The following ZNF644 variants were observed in gnomAD, a reference collection of about 807,000 sequenced individuals.
ZNF644 encodes zinc finger protein 644.
ZNF644 carries 20 observed loss-of-function variants against 108.0 expected under a neutral mutation model. The ratio of observed to expected loss-of-function variants is 0.19; its 90% confidence interval spans 0.13 to 0.27. The LOEUF is 0.27. Ranked by LOEUF, ZNF644 falls within the 10% of genes least tolerant of loss-of-function variation. ZNF644 has a pLI of 1.00. For missense variants in ZNF644, 1,338 were observed against 1,548.9 expected, an observed-to-expected ratio of 0.86 and a Z score of 2.29; for synonymous variants, 542 against 539.1, an observed-to-expected ratio of 1.01 and a Z score of -0.08.
chr1:90,972,973 T>C (rs1352267786), intron 2 of ZNF644: 3 of 152,178 alleles, frequency 2.0e-5, no homozygotes, highest in African/African-American at 7.2e-5. Flanking sequence ...AATTGTTGTT[T>C]AATGGGTACA....
chr1:90,947,005 G>A (rs570735371), intron 2 of ZNF644, among the ~76,000 whole-genome samples: 4 of 152,254 alleles, frequency 2.6e-5, no homozygotes, highest in African/African-American at 4.8e-5. Flanking sequence ...TGTGGTAAAC[G>A]GAAGCAGGTA....
intron 2 of ZNF644, among the ~76,000 whole-genome samples, chr1:90,953,360 G>C (rs970177347): frequency 2.6e-5 from 4 of 151,542 alleles, no homozygotes; most frequent in African/African-American, 9.7e-5. Flanking sequence ...ACATGGAGAG[G>C]GGAACACACT....
chr1:90,938,562 T>A lies in ZNF644; in HGVS notation c.2792A>T (p.His931Leu). The change falls in exon 3 of 6, where the codon CAT (histidine) becomes CTT (leucine). Residue 931 changes from histidine (H) to leucine (L), a missense_variant. Around this residue, in one of 6 missense-constraint regions of ZNF644, gnomAD observed 462 missense variants for 472.6 expected, o/e 0.98. Coordinates refer to ENST00000337393, the MANE Select transcript of ZNF644 (RefSeq NM_201269.3). This position sits in a 1 kb window ranked among gnomAD's most constrained non-coding sequence, Gnocchi z 4.2. Reference sequence around the variant, plus strand: ...TAAATGCTGAGGATCATGTATCTCATGCAAAAAGTTGTTACTTCCAGTATC... The same window carrying A: ...TAAATGCTGAGGATCATGTATCTCAAGCAAAAAGTTGTTACTTCCAGTATC... ...YEDTGSNNFL[H>L]EIHDPQHLET... 1 of 1,613,754 alleles carries A rather than the reference T, an allele frequency of 6.2e-7. No individual in the cohort carries two copies.
At chr1:90,935,233 T>C (rs1651196470) in intron 4 of ZNF644, among the ~76,000 whole-genome samples, 1 of 152,228 alleles carries the variant, frequency 6.6e-6, no homozygotes. Context: ...AAAGATTAAC[T>C]TGCTTAGAAT....
chr1:90,951,920 A>C (rs919477347), intron 2 of ZNF644, among the ~76,000 whole-genome samples: 1 of 152,180 alleles, frequency 6.6e-6, no homozygotes, highest in African/African-American at 2.4e-5. Flanking sequence ...TTGAGAATAC[A>C]GAGCTCCTTA....
chr1:90,998,477 C>T (rs530887998), intron 1 of ZNF644, among the ~76,000 whole-genome samples: 1 of 152,338 alleles, frequency 6.6e-6, no homozygotes, highest in South Asian at 2.1e-4. Context: ...AGACCTGCAG[C>T]TGAGGGTCCT....
At chr1:90,919,825 T>C (rs971874516) in intron 4 of ZNF644, among the ~76,000 whole-genome samples, 6 of 152,086 alleles carry the variant, frequency 3.9e-5, no homozygotes, top group Non-Finnish European at 7.4e-5. Flanking sequence ...AGACAGCCTA[T>C]GAATGAAAAT....
At chr1:90,952,183 C>T (rs1653246914) in intron 2 of ZNF644, among the ~76,000 whole-genome samples, 1 of 152,170 alleles carries the variant, frequency 6.6e-6, no homozygotes, top group South Asian at 2.1e-4. Context: ...GACAAAGGGT[C>T]ACCTTGGTTT....
Position 90,937,476 on chromosome 1 carries a change from T to A in ZNF644, c.3688+9A>T. 1.2e-6 allele frequency: 2 copies of A among 1,613,646 alleles called. No homozygotes were observed. The highest frequency in any genetic ancestry group is 1.7e-6 in the Non-Finnish European group (2 of 1,179,602). On this transcript the variant is annotated intron_variant, in intron 4 of 5. Transcript: ENST00000337393. Reference sequence around the variant, plus strand: ...ACTGTGTATAGCATAGTCATAAACGTCCTCTTACCTGAGTGCATAGTCAAG... The same window carrying A: ...ACTGTGTATAGCATAGTCATAAACGACCTCTTACCTGAGTGCATAGTCAAG...
chr1:90,979,489 A>G (rs1427109679), intron 2 of ZNF644, among the ~76,000 whole-genome samples: 1 of 152,174 alleles, frequency 6.6e-6, no homozygotes, highest in Non-Finnish European at 1.5e-5. Flanking sequence ...CAAAACAAAA[A>G]AAGTATATAG....
intron 4 of ZNF644, among the ~76,000 whole-genome samples, chr1:90,933,999 A>G (rs1184777822): frequency 6.6e-6 from 1 of 152,216 alleles, no homozygotes; most frequent in Non-Finnish European, 1.5e-5. Context: ...TGCCTGACAC[A>G]TAGTAAATGT....
chr1:90,939,904 A>G lies in ZNF644; in HGVS notation c.1450T>C (p.Leu484=), dbSNP rs2100955177. ...RQKLMEEIRE[L]KELQDEGRSA... ...CTTCCTTCATCCTGAAGTTCTTTCAATTCACGAATTTCCTCCATCAACTTC... is the reference window on the plus strand; with the variant it reads ...CTTCCTTCATCCTGAAGTTCTTTCAGTTCACGAATTTCCTCCATCAACTTC... Residue 484 remains leucine, a synonymous_variant, in exon 3 of 6, where the codon TTG becomes CTG. Coordinates refer to ENST00000337393, the MANE Select transcript of ZNF644 (RefSeq NM_201269.3). 6.2e-7 allele frequency: 1 copy of G among 1,614,072 alleles called. No individual in the cohort carries two copies. The highest frequency in any genetic ancestry group is 2.2e-5 in the East Asian group (1 of 44,876).
rs570582407 is a variant in ZNF644 at position 90,944,774 on chromosome 1, T to C, written c.45-3465A>G. The stretch of plus-strand genomic sequence containing the variant: ...TAGATTAACGTTTTGTGGGTACTTA[T>C]TTTAGGAACAATTAAAATGTTCAGA... On this transcript the variant is annotated intron_variant, in intron 2 of 5. Coordinates refer to ENST00000337393, the MANE Select transcript of ZNF644 (RefSeq NM_201269.3). Among the ~76,000 whole-genome samples, 3 of 152,312 alleles carry C rather than the reference T, an allele frequency of 2.0e-5. No individual in the cohort carries two copies. In the South Asian group the frequency reaches 6.2e-4, roughly 32 times the overall value.
At chr1:91,006,185 A>C (rs538002403) in intron 1 of ZNF644, among the ~76,000 whole-genome samples, 4 of 152,346 alleles carry the variant, frequency 2.6e-5, no homozygotes, top group African/African-American at 9.6e-5. Flanking sequence ...AAACTGACTA[A>C]AGATGACATA....
intron 1 of ZNF644, among the ~76,000 whole-genome samples, chr1:90,984,346 A>G (rs1656870491): frequency 6.6e-6 from 1 of 152,186 alleles, no homozygotes; most frequent in Admixed American, 6.5e-5. Flanking sequence ...GGTGGCTTAC[A>G]TAACAGAAAT....
chr1:90,918,075 G>T lies in ZNF644; in HGVS notation c.3768C>A (p.Asp1256Glu). ...KKMLTLPHGA[D>E]EVYILRCRFC... The stretch of plus-strand genomic sequence containing the variant: ...ACCTGCATCGGAGAATGTAAACCTC[G>T]TCAGCACCATGAGGTAATGTTAGCA... Residue 1256 changes from aspartate (D) to glutamate (E), a missense_variant, in exon 5 of 6, where the codon GAC becomes GAA. Coordinates refer to ENST00000337393, the MANE Select transcript of ZNF644 (RefSeq NM_201269.3). The T allele has an allele frequency of 6.2e-7, 1 of 1,613,972 alleles. No individual in the cohort carries two copies. The highest frequency in any genetic ancestry group is 8.5e-7 in the Non-Finnish European group (1 of 1,179,924).
intron 1 of ZNF644, among the ~76,000 whole-genome samples, chr1:91,012,393 G>A (rs888116672): frequency 2.6e-5 from 4 of 151,884 alleles, no homozygotes; most frequent in African/African-American, 7.3e-5. Flanking sequence ...GAGGAGGATC[G>A]CTTGAGCCTG....
In ZNF644 at chr1:90,937,371, A is replaced by G. The variant is rs191353710; in HGVS notation, c.3688+114T>C. ...CAATCTGTGCTCTGTAAAAAAAAAAAGCAGCTTAAACAGGAAGATTGTGAG... is the reference window on the plus strand; with the variant it reads ...CAATCTGTGCTCTGTAAAAAAAAAAGGCAGCTTAAACAGGAAGATTGTGAG... On this transcript the variant is annotated intron_variant, in intron 4 of 5. Transcript: ENST00000337393. The G allele has an allele frequency of 9.1e-3, 13,230 of 1,455,550 alleles. 78 individuals carry two copies. Among genetic ancestry groups the G allele is most frequent in the Non-Finnish European group, 0.011 (11,959 of 1,056,904 alleles). 90.2% of individuals were successfully genotyped at this position (1,455,550 alleles called of 1,614,324 possible).
At chr1:90,987,809 G>A (rs554798972) in intron 1 of ZNF644, among the ~76,000 whole-genome samples, 1 of 152,208 alleles carries the variant, frequency 6.6e-6, no homozygotes, top group South Asian at 2.1e-4. Flanking sequence ...AAATTCAGCA[G>A]CACATTAAAA....
Sources: gnomAD v4.1 joint callset for allele counts (sites outside exome capture counted in the v4.1 genomes callset) on GRCh38, gnomAD v4.1.1 for gene constraint, gnomAD v4.1.1 regional missense constraint, Gnocchi (gnomAD v3.1) non-coding constraint, MANE v1.5 for transcripts, NCBI Gene and HGNC (gene_info 2026-07-23, HGNC 2026-07-21) for gene names.